The following RGS7BP variants were observed in gnomAD, a reference collection of about 807,000 sequenced individuals.
The protein encoded by RGS7BP is regulator of G protein signaling 7 binding protein.
Under a neutral mutation model 31.3 loss-of-function variants are expected in RGS7BP, and 9 were observed. The observed-to-expected ratio is 0.29, with a 90% confidence interval of 0.17 to 0.50. RGS7BP has a LOEUF of 0.50. Ranked by LOEUF, RGS7BP falls within the 20% of genes least tolerant of loss-of-function variation. The pLI is 0.98. For synonymous variants in RGS7BP, 115 were observed against 120.1 expected (o/e 0.96, Z 0.28); for missense variants, 274 against 322.0 (o/e 0.85, Z 1.14).
At chr5:64,552,002 T>C (rs1741806048) in intron 2 of RGS7BP, among the ~76,000 whole-genome samples, 1 of 152,204 alleles carries the variant, frequency 6.6e-6, no homozygotes, top group Non-Finnish European at 1.5e-5. Flanking sequence ...CCTTATAAAC[T>C]GGATTAGAAT....
In RGS7BP at chr5:64,547,927, A is replaced by G. The variant is rs116629272; in HGVS notation, c.333-27847A>G. Among the ~76,000 whole-genome samples the G allele has an allele frequency of 2.0e-3, 303 of 152,260 alleles. 1 individual carries two copies. The highest frequency in any genetic ancestry group is 7.1e-3 in the African/African-American group (295 of 41,588). ...CTAATAGGCCTTTTGGGGAAAAATA[A>G]TAAAATCAACTATTGACATAAAACT... On this transcript the variant is annotated intron_variant, in intron 2 of 5. Coordinates refer to ENST00000334025, the MANE Select transcript of RGS7BP (RefSeq NM_001029875.3).
At chr5:64,563,475 G>A (rs1016975849) in intron 2 of RGS7BP, among the ~76,000 whole-genome samples, 1 of 152,086 alleles carries the variant, frequency 6.6e-6, no homozygotes, top group Non-Finnish European at 1.5e-5. Context: ...TATCAAAAAG[G>A]GAAATGTGGA....
In RGS7BP at chr5:64,506,310, C is replaced by T. The variant is rs1748675060; in HGVS notation, c.-315C>T. On this transcript the variant is annotated 5_prime_UTR_variant, in exon 1 of 6. Coordinates refer to ENST00000334025, the MANE Select transcript of RGS7BP (RefSeq NM_001029875.3). The surrounding 1 kb of genome is among the most constrained non-coding windows in gnomAD (Gnocchi z 4.6). ...GTTCCTTCTCGCCCAGCCTTGCAAT[C>T]CATGCCGAGAGGAAGGCAGTGCGAG... The T allele has an allele frequency of 7.6e-6, 2 of 262,556 alleles. No homozygotes were observed. The allele number at this position is 262,556 out of a possible 1,614,324, so 16.3% of individuals were successfully genotyped here.
intron 2 of RGS7BP, among the ~76,000 whole-genome samples, chr5:64,556,191 G>T (rs1580427436): frequency 6.6e-6 from 1 of 151,552 alleles, no homozygotes; most frequent in East Asian, 1.9e-4. Flanking sequence ...TAATCTAATG[G>T]GTATCAAATG....
At chr5:64,527,642 A>AAAAAAAAAAAAAG (rs1561323382) in intron 2 of RGS7BP, among the ~76,000 whole-genome samples, 2 of 136,136 alleles carry the variant, frequency 1.5e-5, no homozygotes, top group South Asian at 2.3e-4. Flanking sequence ...AAAAAAAAAA[A>AAAAAAAAAAAAAG]GAGGAATGTT....
rs573342970 is a variant in RGS7BP at position 64,564,142 on chromosome 5, A to G, written c.333-11632A>G. 2.3e-3 allele frequency among the ~76,000 whole-genome samples: 343 copies of G among 152,228 alleles called. 5 individuals are homozygous for G. The highest frequency in any genetic ancestry group is 7.2e-3 in the African/African-American group (301 of 41,564). The stretch of plus-strand genomic sequence containing the variant: ...TTTTAAAGCAAATGACCTAGAAAAA[A>G]CTTCAGTCATCTAGTCTACAATGCT... On this transcript the variant is annotated intron_variant, in intron 2 of 5. Coordinates refer to ENST00000334025, the MANE Select transcript of RGS7BP (RefSeq NM_001029875.3).
chr5:64,575,721 G>A lies in RGS7BP; in HGVS notation c.333-53G>A, dbSNP rs1580446467. 3.2e-6 allele frequency: 5 copies of A among 1,557,958 alleles called. No homozygotes were observed. The East Asian group carries it at 6.9e-5, about 22-fold the overall frequency. The stretch of plus-strand genomic sequence containing the variant: ...CCTCTCGGAGCTGAGACAAATGGCT[G>A]ATGAGTGAAATCTTGAGAATGTTCA... On this transcript the variant is annotated intron_variant, in intron 2 of 5. Coordinates refer to ENST00000334025, the MANE Select transcript of RGS7BP (RefSeq NM_001029875.3).
At chr5:64,591,503 G>C (rs992460681) in intron 3 of RGS7BP, among the ~76,000 whole-genome samples, 1 of 152,086 alleles carries the variant, frequency 6.6e-6, no homozygotes, top group African/African-American at 2.4e-5. Flanking sequence ...TGGGGAAATG[G>C]GCCCTCTGGT....
chr5:64,598,133 A>T (rs997371923), intron 4 of RGS7BP, among the ~76,000 whole-genome samples: 5 of 152,260 alleles, frequency 3.3e-5, no homozygotes, highest in African/African-American at 1.2e-4. Flanking sequence ...CCTGCAGGAG[A>T]ATGCCCTGTA....
At chr5:64,544,451 G>C (rs1436316633) in intron 2 of RGS7BP, among the ~76,000 whole-genome samples, 3 of 151,268 alleles carry the variant, frequency 2.0e-5, no homozygotes, top group Non-Finnish European at 4.4e-5. Context: ...GAGGCAGGAG[G>C]ATTGCTTGAG....
At chr5:64,605,262 A>C (rs1743323841) in intron 5 of RGS7BP, among the ~76,000 whole-genome samples, 1 of 152,176 alleles carries the variant, frequency 6.6e-6, no homozygotes. Context: ...CTAAACAAAA[A>C]TTTGCAATAA....
chr5:64,582,470 A>T (rs1742626546), intron 3 of RGS7BP, among the ~76,000 whole-genome samples: 2 of 152,206 alleles, frequency 1.3e-5, no homozygotes, highest in Non-Finnish European at 2.9e-5. Flanking sequence ...TTGCTCTGTC[A>T]GTGGTCCCCT....
chr5:64,524,631 A>T (rs16892811), intron 2 of RGS7BP, among the ~76,000 whole-genome samples: 8 of 152,110 alleles, frequency 5.3e-5, no homozygotes, highest in African/African-American at 1.9e-4. Flanking sequence ...GCTTTTGAGG[A>T]CAATTGAATC....
At chr5:64,577,744 TAC>T (rs1349057344) in intron 3 of RGS7BP, among the ~76,000 whole-genome samples, 2 of 152,126 alleles carry the variant, frequency 1.3e-5, no homozygotes, top group African/African-American at 4.8e-5. Context: ...CTCTGACACA[TAC>T]ACACACACAA....
intron 2 of RGS7BP, among the ~76,000 whole-genome samples, chr5:64,542,499 A>G (rs1010649118): frequency 6.6e-6 from 1 of 152,204 alleles, no homozygotes; most frequent in African/African-American, 2.4e-5. Flanking sequence ...TTTATTTATA[A>G]TATGTAGTCT....
chr5:64,509,585 T>A (rs1294632381), intron 2 of RGS7BP, among the ~76,000 whole-genome samples: 2 of 152,134 alleles, frequency 1.3e-5, no homozygotes, highest in Admixed American at 1.3e-4. Context: ...GTATTATAGC[T>A]ATGTTACCCC....
In RGS7BP at chr5:64,607,061, T is replaced by A. The variant is rs149845000; in HGVS notation, c.683-2100T>A. ...TGGCTTGGACTTGCTACTCTAGCTC[T>A]ATCTAAATATATAACATAGTGCAAC... On this transcript the variant is annotated intron_variant, in intron 5 of 5. Coordinates refer to ENST00000334025, the MANE Select transcript of RGS7BP (RefSeq NM_001029875.3). Among the ~76,000 whole-genome samples, 419 of 152,192 alleles carry A rather than the reference T, an allele frequency of 2.8e-3. 1 individual carries two copies. The highest frequency in any genetic ancestry group is 9.7e-3 in the African/African-American group (402 of 41,550).
intron 2 of RGS7BP, among the ~76,000 whole-genome samples, chr5:64,547,655 C>T (rs995435257): frequency 1.3e-5 from 2 of 152,128 alleles, no homozygotes; most frequent in Non-Finnish European, 2.9e-5. Flanking sequence ...CAGAAAAATT[C>T]TGTCAGAAAT....
At position 64,535,393 on chromosome 5, in the gene RGS7BP, C is replaced by A. The variant is rs916470752; in HGVS notation, c.332+27516C>A. 5.3e-5 allele frequency among the ~76,000 whole-genome samples: 8 copies of A among 152,272 alleles called. 1 individual carries two copies. Among genetic ancestry groups the A allele is most frequent in the East Asian group, 1.9e-4 (1 of 5,182 alleles). The stretch of plus-strand genomic sequence containing the variant: ...CATCCCGTGTTTGACCTAATGGCTA[C>A]AAGAAACTTGAAACATGAATGAATG... On this transcript the variant is annotated intron_variant, in intron 2 of 5. Transcript: ENST00000334025.
Sources: gnomAD v4.1 joint callset for allele counts (sites outside exome capture counted in the v4.1 genomes callset) on GRCh38, gnomAD v4.1.1 for gene constraint, Gnocchi (gnomAD v3.1) non-coding constraint, MANE v1.5 for transcripts, NCBI Gene and HGNC (gene_info 2026-07-23, HGNC 2026-07-21) for gene names.